The following EXOC5 variants were observed in gnomAD, a reference collection of about 807,000 sequenced individuals.
EXOC5 encodes the protein exocyst complex component 5.
In EXOC5, 17 loss-of-function variants were observed where a neutral mutation model predicts 90.8. The ratio of observed to expected loss-of-function variants is 0.19; its 90% CI spans 0.13 to 0.28. The LOEUF (loss-of-function observed/expected upper bound fraction) is 0.28. Among genes scored for constraint, EXOC5 ranks in the 10% least tolerant of loss-of-function variants. The pLI, the probability that EXOC5 is intolerant of heterozygous loss-of-function variation, is 1.00. For missense variants in EXOC5, 569 were observed against 830.6 expected (o/e 0.69, Z 3.87); for synonymous variants, 260 against 270.0 (o/e 0.96, Z 0.36).
intron 15 of EXOC5, among the ~76,000 whole-genome samples, chr14:57,215,412 TA>T (rs3048723): frequency 5.9e-4 from 86 of 144,734 alleles, no homozygotes; most frequent in Admixed American, 1.0e-3. Flanking sequence ...AATAAAGATG[TA>T]AAAAAAAAAA....
rs1566732171 is a variant in EXOC5 at position 57,235,918 on chromosome 14, G to C, written c.560-98C>G. 3 of 660,442 alleles carry C rather than the reference G, an allele frequency of 4.5e-6. No individual in the cohort carries two copies. The East Asian group carries it at 8.3e-5, about 18-fold the overall frequency. 40.9% of individuals were successfully genotyped at this position (660,442 alleles called of 1,614,324 possible). ...TACAAATATAATGACTATGAATATAGCTTTCTTTTGAAGGAATTACAAAAA... is the reference window on the plus strand; with the variant it reads ...TACAAATATAATGACTATGAATATACCTTTCTTTTGAAGGAATTACAAAAA... On this transcript the variant is annotated intron_variant, in intron 6 of 17. Coordinates refer to ENST00000621441, the MANE Select transcript of EXOC5 (RefSeq NM_006544.4).
At chr14:57,215,900 G>C (rs980170546) in intron 15 of EXOC5, among the ~76,000 whole-genome samples, 5 of 152,200 alleles carry the variant, frequency 3.3e-5, no homozygotes, top group African/African-American at 1.2e-4. Flanking sequence ...TCTCTTTGCA[G>C]ATGATATGAT....
intron 7 of EXOC5, among the ~76,000 whole-genome samples, chr14:57,235,476 T>C (rs926192787): frequency 1.3e-5 from 2 of 151,928 alleles, no homozygotes; most frequent in Non-Finnish European, 2.9e-5. Flanking sequence ...CAATATTTAA[T>C]TGATCAATTA....
At chr14:57,219,651 A>G (rs1594651967) in intron 13 of EXOC5, among the ~76,000 whole-genome samples, 2 of 152,256 alleles carry the variant, frequency 1.3e-5, no homozygotes, top group South Asian at 2.1e-4. Flanking sequence ...TTTATGCCCA[A>G]TGTTCACCAT....
intron 15 of EXOC5, among the ~76,000 whole-genome samples, chr14:57,216,523 A>C (rs1882980075): frequency 6.6e-6 from 1 of 152,182 alleles, no homozygotes; most frequent in Admixed American, 6.6e-5. Context: ...AAGGGTGCCA[A>C]GAACACACAA....
chr14:57,217,541 G>A (rs968641722), intron 15 of EXOC5, among the ~76,000 whole-genome samples: 1 of 152,064 alleles, frequency 6.6e-6, no homozygotes, highest in Non-Finnish European at 1.5e-5. Context: ...ATAAGACAGT[G>A]AACCTAATTG....
In EXOC5 at chr14:57,268,762, C is replaced by T; in HGVS notation, c.-114G>A. ...CGGCTCGCCAGCTCCGGCTCCGGGC[C>T]GCTGCGGGCTCCCCAGCTCCCCACA... On this transcript the variant is annotated 5_prime_UTR_variant, in exon 1 of 18. Coordinates refer to ENST00000621441, the MANE Select transcript of EXOC5 (RefSeq NM_006544.4). 7 of 1,462,592 alleles carry T rather than the reference C, an allele frequency of 4.8e-6. No individual in the cohort carries two copies. Among genetic ancestry groups the T allele is most frequent in the Non-Finnish European group, 6.3e-6 (7 of 1,112,444 alleles). 90.6% of individuals were successfully genotyped at this position (1,462,592 alleles called of 1,614,324 possible). A position where few individuals can be genotyped will look rare whatever the true frequency, so the allele number is the denominator to read the frequency against.
chr14:57,254,640 G>A (rs1884294516), intron 1 of EXOC5, among the ~76,000 whole-genome samples: 1 of 152,126 alleles, frequency 6.6e-6, no homozygotes, highest in African/African-American at 2.4e-5. Context: ...AAAATTCATA[G>A]GTTGAAGACT....
chr14:57,208,826 T>A, intron 17 of EXOC5, 29 bp from the exon 18 acceptor site: 1 of 1,451,554 alleles, frequency 6.9e-7, no homozygotes, highest in Non-Finnish European at 9.5e-7. Flanking sequence ...AAAAGTAACA[T>A]TGAAACAAAA....
chr14:57,264,030 C>T (rs10141811), intron 1 of EXOC5, among the ~76,000 whole-genome samples: 36,342 of 152,028 alleles, frequency 0.24, 10,401 homozygotes, highest in African/African-American at 0.69. Flanking sequence ...ACTCCCACTG[C>T]GCTGTATTAA....
rs941163093 is a variant in EXOC5 at position 57,204,172 on chromosome 14, A to G, written c.*4437T>C. 2.0e-5 allele frequency: 3 copies of G among 152,176 alleles called. No homozygotes were observed. Among genetic ancestry groups the G allele is most frequent in the Admixed American group, 1.3e-4 (2 of 15,264 alleles). 9.4% of individuals were successfully genotyped at this position (152,176 alleles called of 1,614,324 possible). On this transcript the variant is annotated 3_prime_UTR_variant, in exon 18 of 18. Transcript: ENST00000621441. ...AGGTTAATGGTACCTATCAAATAAT[A>G]ATGATAAAATACCTCGGGTCTAGTT...
rs574444643 is a variant in EXOC5 at position 57,247,980 on chromosome 14, A to G, written c.28-268T>C. 8.7e-5 allele frequency among the ~76,000 whole-genome samples: 13 copies of G among 149,660 alleles called. No homozygotes were observed. The South Asian group carries it at 2.7e-3, about 31-fold the overall frequency. On this transcript the variant is annotated intron_variant, in intron 1 of 17. Coordinates refer to ENST00000621441, the MANE Select transcript of EXOC5 (RefSeq NM_006544.4). ...AACTCAACAGAAAAATGAGCAAAGTAAACAAACAAGTAATTTGTAGAAGAA... is the reference window on the plus strand; with the variant it reads ...AACTCAACAGAAAAATGAGCAAAGTGAACAAACAAGTAATTTGTAGAAGAA...
chr14:57,262,743 G>GTGTGTGTATATATATACGTATATATA (rs1185316448), intron 1 of EXOC5, among the ~76,000 whole-genome samples: 13 of 99,150 alleles, frequency 1.3e-4, no homozygotes, highest in Admixed American at 7.7e-4. Context: ...GTATATATGT[G>GTGTGTGTATATATATACGTATATATA]TGTGTGTATA....
intron 13 of EXOC5, 149 bp downstream of exon 13, chr14:57,222,159 C>A (rs979593003): frequency 4.0e-6 from 2 of 493,890 alleles, no homozygotes; most frequent in African/African-American, 2.0e-5. Flanking sequence ...CAGCACCTGG[C>A]AAATCCTTGC....
intron 15 of EXOC5, among the ~76,000 whole-genome samples, chr14:57,214,426 T>G (rs1339273560): frequency 6.6e-6 from 1 of 152,258 alleles, no homozygotes; most frequent in South Asian, 2.1e-4. Context: ...TGAAGCATTT[T>G]TATTTCGGAT....
At chr14:57,254,006 T>C (rs1884270263) in intron 1 of EXOC5, among the ~76,000 whole-genome samples, 1 of 152,120 alleles carries the variant, frequency 6.6e-6, no homozygotes, top group Non-Finnish European at 1.5e-5. Flanking sequence ...TCAGACTTAA[T>C]GAAAAATTTT....
Position 57,208,662 on chromosome 14 carries a change from C to T in EXOC5, c.2074G>A (p.Val692Ile), listed in dbSNP as rs746995312. 217 of 1,611,378 alleles carry T rather than the reference C, an allele frequency of 1.3e-4. No homozygotes were observed. The Middle Eastern group carries it at 4.4e-3, about 33-fold the overall frequency. ...GATCTATAATCAGCACGAAGTTGTA[C>T]GAAGGAGTGAAGTATATTCTTGTCC... ...NLDKNILHSFVQLRADYRSAR... is the reference protein window; with the variant it reads ...NLDKNILHSFIQLRADYRSAR... The change falls in exon 18 of 18, where the codon GTA becomes ATA. Residue 692 changes from valine (V) to isoleucine (I), a missense_variant. Physicochemically the swap from Val to Ile is conservative, Grantham distance 29. This residue lies in a region of EXOC5 where 122 missense variants were observed against 180.0 expected (regional missense o/e 0.68). Coordinates refer to ENST00000621441, the MANE Select transcript of EXOC5 (RefSeq NM_006544.4).
intron 1 of EXOC5, among the ~76,000 whole-genome samples, chr14:57,254,949 G>C (rs967739665): frequency 6.6e-6 from 1 of 152,160 alleles, no homozygotes; most frequent in Non-Finnish European, 1.5e-5. Flanking sequence ...ATGGAATTTT[G>C]TTATGGAAGC....
At chr14:57,238,367 T>TAC (rs1205180138) in intron 5 of EXOC5, among the ~76,000 whole-genome samples, 48 of 96,798 alleles carry the variant, frequency 5.0e-4, no homozygotes, top group African/African-American at 1.8e-3. Context: ...TATATATATA[T>TAC]ATATATATAC....
Sources: gnomAD v4.1 joint callset for allele counts (sites outside exome capture counted in the v4.1 genomes callset) on GRCh38, gnomAD v4.1.1 for gene constraint, gnomAD v4.1.1 regional missense constraint, MANE v1.5 for transcripts, NCBI Gene and HGNC (gene_info 2026-07-23, HGNC 2026-07-21) for gene names.